Variants in PLXNA2 observed in about 807,000 individuals in gnomAD.
PLXNA2 encodes the protein plexin-A2.
In PLXNA2, 91 loss-of-function variants were observed where a neutral mutation model predicts 193.5. The observed-to-expected ratio is 0.47, with a 90% CI of 0.40 to 0.56. The LOEUF (loss-of-function observed/expected upper bound fraction) is 0.56. Among genes scored for constraint, PLXNA2 ranks in the 20% least tolerant of loss-of-function variants. The probability of loss-of-function intolerance (pLI) is 0.00; values close to 1 mark genes in which losing one functional copy is unlikely to be tolerated. For missense variants in PLXNA2, 1,995 were observed against 2,503.2 expected, an observed-to-expected ratio of 0.80 and a Z score of 4.33; for synonymous variants, 997 against 1,027.3, an observed-to-expected ratio of 0.97 and a Z score of 0.56.
At chr1:208,132,087 T>C (rs976209622) in intron 4 of PLXNA2, among the ~76,000 whole-genome samples, 10 of 152,206 alleles carry the variant, frequency 6.6e-5, no homozygotes, top group Admixed American at 4.6e-4. Flanking sequence ...GGTAACTTCC[T>C]GGGGCGAGGT....
At chr1:208,193,391 G>A (rs1326856093) in intron 3 of PLXNA2, among the ~76,000 whole-genome samples, 1 of 152,222 alleles carries the variant, frequency 6.6e-6, no homozygotes, top group African/African-American at 2.4e-5. Flanking sequence ...AATGATTAGT[G>A]TGGACAAAGG....
At chr1:208,146,734 G>A (rs1309727848) in intron 3 of PLXNA2, among the ~76,000 whole-genome samples, 1 of 152,174 alleles carries the variant, frequency 6.6e-6, no homozygotes, top group Non-Finnish European at 1.5e-5. Context: ...AACTGAACCA[G>A]CCCTTGCATG....
chr1:208,130,164 C>G (rs1054013021), intron 4 of PLXNA2, among the ~76,000 whole-genome samples: 5 of 152,154 alleles, frequency 3.3e-5, no homozygotes, highest in Non-Finnish European at 7.4e-5. Flanking sequence ...GCTCAGGGAA[C>G]TTAACCACAA....
chr1:208,101,824 A>G (rs555665695), intron 5 of PLXNA2, among the ~76,000 whole-genome samples: 1 of 152,292 alleles, frequency 6.6e-6, no homozygotes, highest in Non-Finnish European at 1.5e-5. Context: ...GTACCGCTGG[A>G]CATGACCACT....
intron 3 of PLXNA2, among the ~76,000 whole-genome samples, chr1:208,171,112 T>C (rs1669483198): frequency 6.6e-6 from 1 of 152,150 alleles, no homozygotes; most frequent in Admixed American, 6.5e-5. Context: ...AGATTAAAGG[T>C]AAGTAGGTAA....
chr1:208,061,709 T>G (rs746900368), intron 12 of PLXNA2, among the ~76,000 whole-genome samples: 2 of 152,146 alleles, frequency 1.3e-5, no homozygotes, highest in Non-Finnish European at 2.9e-5. Context: ...AGAATCCAGG[T>G]CTCTCAAGAT....
rs141498479 is a variant in PLXNA2, at chr1:208,092,959, G to A, written c.1983-59C>T. On this transcript the variant is annotated intron_variant, in intron 8 of 31. Transcript: ENST00000367033. ...AGAGAACAAAGAGGGAAGGTGGCAT[G>A]TGTCATGATAGAAGTCTGTTAACCT... 1.0e-5 allele frequency: 12 copies of A among 1,196,274 alleles called. No individual in the cohort carries two copies. In the East Asian group the frequency reaches 2.8e-4, roughly 28 times the overall value. The allele number at this position is 1,196,274 out of a possible 1,614,324, so 74.1% of individuals were successfully genotyped here. A position where few individuals can be genotyped will look rare whatever the true frequency, so the allele number is the denominator to read the frequency against.
In PLXNA2 at chr1:208,191,042, A is replaced by G. The variant is rs146622689; in HGVS notation, c.1371+19238T>C. 3.9e-5 allele frequency among the ~76,000 whole-genome samples: 6 copies of G among 152,286 alleles called. No individual in the cohort carries two copies. In the East Asian group the frequency reaches 9.7e-4, roughly 24 times the overall value. ...GGAGGCTATGAGCTAAGTGAGGCTA[A>G]AGGATTTTTCCCTCTGGAAAAGGGC... On this transcript the variant is annotated intron_variant, in intron 3 of 31. Coordinates refer to ENST00000367033, the MANE Select transcript of PLXNA2 (RefSeq NM_025179.4).
At chr1:208,184,136 C>T (rs1669928283) in intron 3 of PLXNA2, among the ~76,000 whole-genome samples, 1 of 152,090 alleles carries the variant, frequency 6.6e-6, no homozygotes, top group South Asian at 2.1e-4. Context: ...CTTGATTTCC[C>T]CAGATGTTCA....
At chr1:208,070,171 C>T (rs749102951) in intron 12 of PLXNA2, among the ~76,000 whole-genome samples, 1 of 152,244 alleles carries the variant, frequency 6.6e-6, no homozygotes, top group South Asian at 2.1e-4. Context: ...GGCACTCCAG[C>T]CCCTTTCCCT....
intron 29 of PLXNA2, chr1:208,031,163 T>C: frequency 2.0e-6 from 2 of 1,005,914 alleles, no homozygotes; most frequent in Non-Finnish European, 2.4e-6. Flanking sequence ...GGATTCCCCA[T>C]CTCAGGAAGT....
At chr1:208,202,258 G>C (rs1236298234) in intron 3 of PLXNA2, among the ~76,000 whole-genome samples, 1 of 152,152 alleles carries the variant, frequency 6.6e-6, no homozygotes, top group Non-Finnish European at 1.5e-5. Flanking sequence ...GGGATTACAG[G>C]TGTGAGCCAC....
intron 1 of PLXNA2, among the ~76,000 whole-genome samples, chr1:208,240,399 G>A (rs559181458): frequency 1.6e-4 from 25 of 152,256 alleles, no homozygotes; most frequent in Admixed American, 1.2e-3. Context: ...TCTCCATAGG[G>A]CTCACCTTTA....
intron 3 of PLXNA2, among the ~76,000 whole-genome samples, chr1:208,175,309 TC>T (rs1165016563): frequency 1.3e-5 from 2 of 152,136 alleles, no homozygotes; most frequent in Non-Finnish European, 1.5e-5. Context: ...GGTCCACTCA[TC>T]CCAGCTGAGC....
At chr1:208,135,661 G>A (rs774249859) in intron 4 of PLXNA2, among the ~76,000 whole-genome samples, 9 of 152,194 alleles carry the variant, frequency 5.9e-5, no homozygotes, top group African/African-American at 9.7e-5. Context: ...CCAGCTGGGC[G>A]TTGGGTGTTG....
intron 22 of PLXNA2, 121 bp downstream of exon 22, chr1:208,041,977 G>T: frequency 9.6e-7 from 1 of 1,046,970 alleles, no homozygotes; most frequent in Non-Finnish European, 1.4e-6. Context: ...AGGCTGCTCT[G>T]AATGGGTGCC....
intron 3 of PLXNA2, among the ~76,000 whole-genome samples, chr1:208,200,704 G>T (rs1670522309): frequency 6.7e-6 from 1 of 148,196 alleles, no homozygotes; most frequent in African/African-American, 2.5e-5. Context: ...CGATTCTCCT[G>T]CCTCCTGCCT....
intron 3 of PLXNA2, among the ~76,000 whole-genome samples, chr1:208,174,901 A>G (rs1365945741): frequency 6.6e-6 from 1 of 152,170 alleles, no homozygotes; most frequent in Non-Finnish European, 1.5e-5. Context: ...GTCTCCCTCA[A>G]TGCCTCTGGA....
At chr1:208,186,716 T>TTTTGTTTTTTGTTTTTTTTTG (rs1553294072) in intron 3 of PLXNA2, among the ~76,000 whole-genome samples, 14 of 103,382 alleles carry the variant, frequency 1.4e-4, no homozygotes, top group African/African-American at 2.4e-4. Context: ...TTATTTTATT[T>TTTTGTTTTTTGTTTTTTTTTG]TTTTTTTTTT....
Sources: gnomAD v4.1 joint callset for allele counts (sites outside exome capture counted in the v4.1 genomes callset) on GRCh38, gnomAD v4.1.1 for gene constraint, MANE v1.5 for transcripts, NCBI Gene and HGNC (gene_info 2026-07-23, HGNC 2026-07-21) for gene names.